KCNH8: variants seen among roughly 807,000 people sequenced by gnomAD.
KCNH8 encodes the protein voltage-gated delayed rectifier potassium channel KCNH8.
KCNH8 carries 70 observed loss-of-function variants against 103.6 expected under a neutral mutation model. The observed-to-expected ratio is 0.68, with a 90% CI of 0.56 to 0.82. KCNH8 has a LOEUF of 0.82. Ranked by LOEUF, KCNH8 falls within the 40% of genes least tolerant of loss-of-function variation. The pLI, the probability that KCNH8 is intolerant of heterozygous loss-of-function variation, is 0.00. For synonymous variants in KCNH8, 498 were observed against 489.4 expected, an observed-to-expected ratio of 1.02 and a Z score of -0.23; for missense variants, 1,217 against 1,329.9, an observed-to-expected ratio of 0.92 and a Z score of 1.32.
At chr3:19,489,002 T>C (rs1389290220) in intron 11 of KCNH8, among the ~76,000 whole-genome samples, 1 of 152,198 alleles carries the variant, frequency 6.6e-6, no homozygotes, top group Non-Finnish European at 1.5e-5. Context: ...GAAAGGTTGA[T>C]ACAAAGGCAC....
At position 19,533,367 on chromosome 3, in the gene KCNH8, T is replaced by G. The variant is rs113332071; in HGVS notation, c.2620-28T>G. On this transcript the variant is annotated intron_variant, in intron 15 of 15. Transcript: ENST00000328405. ...GTCACTACTATGCACCTCTAACTAT[T>G]GTCTTTCACTTTGCTCTATCCACAT... 3.6e-4 allele frequency: 530 copies of G among 1,455,966 alleles called. 4 individuals are homozygous for G. The African/African-American group carries it at 6.3e-3, about 17-fold the overall frequency. The allele number at this position is 1,455,966 out of a possible 1,614,324, so 90.2% of individuals were successfully genotyped here. A position where few individuals can be genotyped will look rare whatever the true frequency, so the allele number is the denominator to read the frequency against.
At chr3:19,387,641 A>G (rs541881713) in intron 5 of KCNH8, among the ~76,000 whole-genome samples, 34 of 152,168 alleles carry the variant, frequency 2.2e-4, no homozygotes, top group Non-Finnish European at 3.5e-4. Context: ...CATACACTTT[A>G]TAAGTGTATC....
intron 3 of KCNH8, among the ~76,000 whole-genome samples, chr3:19,292,780 T>C (rs2064946447): frequency 6.6e-6 from 1 of 152,276 alleles, no homozygotes; most frequent in Non-Finnish European, 1.5e-5. Context: ...ATGTCTGTGG[T>C]GCAGACAATA....
intron 3 of KCNH8, among the ~76,000 whole-genome samples, chr3:19,337,221 C>T (rs978829651): frequency 5.9e-5 from 9 of 151,642 alleles, no homozygotes; most frequent in African/African-American, 2.2e-4. Flanking sequence ...TTGTTTTATG[C>T]TTTTTTTTCC....
chr3:19,243,016 G>T (rs1472867430), intron 1 of KCNH8, among the ~76,000 whole-genome samples: 1 of 152,126 alleles, frequency 6.6e-6, no homozygotes, highest in African/African-American at 2.4e-5. Flanking sequence ...GTTAGGTTAT[G>T]CAACCTTTCT....
chr3:19,202,067 G>A (rs903173221), intron 1 of KCNH8, among the ~76,000 whole-genome samples: 1 of 152,034 alleles, frequency 6.6e-6, no homozygotes, highest in African/African-American at 2.4e-5. Flanking sequence ...AAATGTATTT[G>A]CAGCACCAAA....
intron 8 of KCNH8, among the ~76,000 whole-genome samples, chr3:19,441,222 T>C (rs938769884): frequency 6.6e-6 from 1 of 152,206 alleles, no homozygotes; most frequent in African/African-American, 2.4e-5. Context: ...TCCCTGACAC[T>C]CCACACAGCT....
chr3:19,491,074 G>C (rs2068309425), intron 11 of KCNH8, among the ~76,000 whole-genome samples: 1 of 152,140 alleles, frequency 6.6e-6, no homozygotes, highest in Non-Finnish European at 1.5e-5. Context: ...TTAAGCATAA[G>C]TGATTAATAC....
intron 1 of KCNH8, among the ~76,000 whole-genome samples, chr3:19,169,608 C>G (rs905472574): frequency 2.0e-5 from 3 of 152,184 alleles, no homozygotes; most frequent in Admixed American, 6.5e-5. Flanking sequence ...GTATGCATAA[C>G]TGGTTTTTGT....
At chr3:19,372,403 GCT>G (rs1342719176) in intron 5 of KCNH8, among the ~76,000 whole-genome samples, 2 of 149,966 alleles carry the variant, frequency 1.3e-5, no homozygotes, top group Non-Finnish European at 3.0e-5. Flanking sequence ...TCATGATTTG[GCT>G]CTCTGTTTGT....
chr3:19,258,949 A>G (rs9815379), intron 2 of KCNH8, among the ~76,000 whole-genome samples: 1 of 45,874 alleles, frequency 2.2e-5, no homozygotes, highest in East Asian at 5.2e-4. Flanking sequence ...CTCTCTCTCT[A>G]TATATATATA....
At chr3:19,381,386 A>G (rs1038267978) in intron 5 of KCNH8, among the ~76,000 whole-genome samples, 1 of 152,178 alleles carries the variant, frequency 6.6e-6, no homozygotes, top group East Asian at 1.9e-4. Context: ...TACAAAATCA[A>G]TTGTAGTTGG....
chr3:19,533,225 A>G (rs1403478823), intron 15 of KCNH8, among the ~76,000 whole-genome samples, 170 bp from the exon 16 acceptor site: 4 of 150,770 alleles, frequency 2.7e-5, no homozygotes, highest in African/African-American at 9.7e-5. Context: ...AAAAGGAAAA[A>G]GAAAAAAAAA....
At chr3:19,344,916 T>C (rs1307437199) in intron 4 of KCNH8, among the ~76,000 whole-genome samples, 2 of 152,084 alleles carry the variant, frequency 1.3e-5, no homozygotes, top group Admixed American at 6.6e-5. Flanking sequence ...GAAGCAGCAG[T>C]TGTGGTACCC....
At chr3:19,221,900 T>C (rs1053257984) in intron 1 of KCNH8, among the ~76,000 whole-genome samples, 3 of 151,226 alleles carry the variant, frequency 2.0e-5, no homozygotes, top group African/African-American at 7.3e-5. Context: ...TAGGCTAGAG[T>C]GCAATGGCAC....
chr3:19,392,859 C>T (rs1168155086), intron 6 of KCNH8, among the ~76,000 whole-genome samples: 1 of 151,980 alleles, frequency 6.6e-6, no homozygotes, highest in African/African-American at 2.4e-5. Flanking sequence ...TATCATTTAC[C>T]ATCTGAGTAA....
At chr3:19,448,434 A>G (rs950334676) in intron 8 of KCNH8, among the ~76,000 whole-genome samples, 4 of 151,998 alleles carry the variant, frequency 2.6e-5, no homozygotes, top group Admixed American at 6.6e-5. Flanking sequence ...CTTGTTATGA[A>G]GGGAGTGATT....
intron 5 of KCNH8, among the ~76,000 whole-genome samples, chr3:19,373,948 G>C (rs1461056122): frequency 1.3e-5 from 2 of 152,148 alleles, no homozygotes; most frequent in Non-Finnish European, 2.9e-5. Context: ...CTGAGTTCTA[G>C]TTTGATTGCA....
chr3:19,399,072 T>C (rs1243363455), intron 7 of KCNH8, among the ~76,000 whole-genome samples: 1 of 152,018 alleles, frequency 6.6e-6, no homozygotes, highest in Non-Finnish European at 1.5e-5. Context: ...CAGGTTCATT[T>C]AGGAGGCAAG....
Sources: gnomAD v4.1 joint callset for allele counts (sites outside exome capture counted in the v4.1 genomes callset) on GRCh38, gnomAD v4.1.1 for gene constraint, MANE v1.5 for transcripts, NCBI Gene and HGNC (gene_info 2026-07-23, HGNC 2026-07-21) for gene names.